Variants in KPNA6 observed in about 807,000 individuals in gnomAD.
KPNA6 encodes karyopherin subunit alpha 6.
KPNA6 carries 9 observed loss-of-function variants against 72.0 expected under a neutral mutation model. That is an observed-to-expected ratio of 0.13 (90% CI 0.08 to 0.22). The LOEUF (loss-of-function observed/expected upper bound fraction) is 0.22. KPNA6 is among the 10% of genes least tolerant of loss of function. The pLI is 1.00. For synonymous variants in KPNA6, 219 were observed against 242.1 expected (o/e 0.90, Z 0.89); for missense variants, 374 against 655.7 (o/e 0.57, Z 4.69).
At chr1:32,138,543 C>CAAAAA (rs563911504) in intron 1 of KPNA6, among the ~76,000 whole-genome samples, 3 of 48,904 alleles carry the variant, frequency 6.1e-5, no homozygotes, top group African/African-American at 6.0e-5. Flanking sequence ...AACTCCATCT[C>CAAAAA]AAAAAAAAAA....
chr1:32,132,198 T>C (rs887253376), intron 1 of KPNA6, among the ~76,000 whole-genome samples: 5 of 152,166 alleles, frequency 3.3e-5, no homozygotes, highest in Admixed American at 6.5e-5. Context: ...CTTGAACTCC[T>C]GACCTCAGGT....
At chr1:32,127,561 A>AT (rs1641556420) in intron 1 of KPNA6, among the ~76,000 whole-genome samples, 1 of 152,198 alleles carries the variant, frequency 6.6e-6, no homozygotes, top group African/African-American at 2.4e-5. Flanking sequence ...AATCAGAGGG[A>AT]TTTTTATAAT....
chr1:32,144,305 G>A (rs1570036772), intron 1 of KPNA6, among the ~76,000 whole-genome samples: 1 of 152,142 alleles, frequency 6.6e-6, no homozygotes, highest in Non-Finnish European at 1.5e-5. Flanking sequence ...TAGATGGTTA[G>A]CGCGATATTT....
chr1:32,155,110 C>CAAAAAAAAAAAAAAAAAAAAAAAAAAA (rs144040035), intron 2 of KPNA6, among the ~76,000 whole-genome samples: 1 of 54,228 alleles, frequency 1.8e-5, no homozygotes, highest in Non-Finnish European at 3.3e-5. Context: ...AACTCCATCT[C>CAAAAAAAAAAAAAAAAAAAAAAAAAAA]AAAAAAAAAA....
chr1:32,149,926 C>CT (rs1557475300), intron 1 of KPNA6, among the ~76,000 whole-genome samples: 1 of 151,900 alleles, frequency 6.6e-6, no homozygotes, highest in East Asian at 1.9e-4. Flanking sequence ...TGTTTTCTGA[C>CT]TTACGGTTTC....
Position 32,157,363 on chromosome 1 carries a change from A to G in KPNA6, c.249A>G (p.Arg83=). 1 of 1,613,890 alleles carries G rather than the reference A, an allele frequency of 6.2e-7. No individual in the cohort carries two copies. The highest frequency in any genetic ancestry group is 1.7e-5 in the Admixed American group (1 of 59,994). ...SSTTGESVIT[R]EMVEMLFSDD... ...TGTTCTAGGAGAGTGTGATCACAAG[A>G]GAGATGGTGGAGATGCTCTTTTCTG... Residue 83 remains arginine (R), a synonymous_variant, in exon 4 of 14, where the codon AGA becomes AGG. Coordinates refer to ENST00000373625, the MANE Select transcript of KPNA6 (RefSeq NM_012316.5).
At chr1:32,136,053 A>G (rs1231448704) in intron 1 of KPNA6, among the ~76,000 whole-genome samples, 1 of 152,180 alleles carries the variant, frequency 6.6e-6, no homozygotes, top group Non-Finnish European at 1.5e-5. Flanking sequence ...CAGAGGCTCC[A>G]AACTAGTAGT....
intron 1 of KPNA6, among the ~76,000 whole-genome samples, chr1:32,110,056 ATTTTTTTTTT>A (rs750004100): frequency 5.9e-5 from 7 of 118,314 alleles, no homozygotes; most frequent in Admixed American, 1.8e-4. Context: ...CTGGAATTGA[ATTTTTTTTTT>A]TTTTTTTTTT....
rs929663502 is a variant in KPNA6, at chr1:32,143,115, T to C, written c.5-11473T>C. The C allele has an allele frequency of 3.0e-5, 20 of 671,064 alleles. No homozygotes were observed. In the African/African-American group the frequency reaches 3.2e-4, roughly 11 times the overall value. The allele number at this position is 671,064 out of a possible 1,614,324, so 41.6% of individuals were successfully genotyped here. On this transcript the variant is annotated intron_variant, in intron 1 of 13. Coordinates refer to ENST00000373625, the MANE Select transcript of KPNA6 (RefSeq NM_012316.5). Reference sequence around the variant, plus strand: ...AGGGATAATCGGGCCTCAAAAGGAGTGCAGAGGTGCAGACACAGCTCACTT... The same window carrying C: ...AGGGATAATCGGGCCTCAAAAGGAGCGCAGAGGTGCAGACACAGCTCACTT...
At chr1:32,162,339 T>C (rs770028184) in intron 8 of KPNA6, 22 bp from the exon 9 acceptor site, 15 of 1,558,590 alleles carry the variant, frequency 9.6e-6, no homozygotes, top group African/African-American at 1.4e-5. Context: ...CCTGTGAGTC[T>C]TTCTCACTCT....
chr1:32,173,795 T>G lies in KPNA6; in HGVS notation c.*2901T>G, dbSNP rs1214822128. On this transcript the variant is annotated 3_prime_UTR_variant, in exon 14 of 14. Transcript: ENST00000373625. ...ATGGAGCCCCTCTACCCCAGTCTGCTGTAGGGAATACCCTAATTAGTTGAG... is the reference window on the plus strand; with the variant it reads ...ATGGAGCCCCTCTACCCCAGTCTGCGGTAGGGAATACCCTAATTAGTTGAG... 1 of 152,300 alleles carries G rather than the reference T, an allele frequency of 6.6e-6. No homozygotes were observed. The highest frequency in any genetic ancestry group is 1.5e-5 in the Non-Finnish European group (1 of 68,090). 9.4% of individuals were successfully genotyped at this position (152,300 alleles called of 1,614,324 possible).
intron 4 of KPNA6, 50 bp from the exon 5 acceptor site, chr1:32,158,217 A>C: frequency 3.2e-6 from 4 of 1,246,172 alleles, no homozygotes; most frequent in Non-Finnish European, 4.7e-6. Flanking sequence ...CCATGAAGGG[A>C]TCAGCAAAAG....
At chr1:32,161,104 G>A (rs1216382596) in intron 7 of KPNA6, among the ~76,000 whole-genome samples, 1 of 151,996 alleles carries the variant, frequency 6.6e-6, no homozygotes, top group African/African-American at 2.4e-5. Flanking sequence ...GCTACAGTGA[G>A]CTGTGATTGA....
chr1:32,115,848 A>AT (rs1402034063), intron 1 of KPNA6, among the ~76,000 whole-genome samples: 1 of 152,066 alleles, frequency 6.6e-6, no homozygotes, highest in Non-Finnish European at 1.5e-5. Flanking sequence ...GATTCAAGCG[A>AT]TTCTCCTGCC....
rs114462508 is a variant in KPNA6, at chr1:32,150,034, G to T, written c.5-4554G>T. Among the ~76,000 whole-genome samples, 1,432 of 151,142 alleles carry T rather than the reference G, an allele frequency of 9.5e-3. 17 individuals carry two copies. Among genetic ancestry groups the T allele is most frequent in the African/African-American group, 0.032 (1,317 of 41,150 alleles). On this transcript the variant is annotated intron_variant, in intron 1 of 13. Transcript: ENST00000373625. Reference sequence around the variant, plus strand: ...ATCGCTGCTTTTCAAGATTTTGGTTGTGATGTGTCTTGTGATTTTCTTTGT... The same window carrying T: ...ATCGCTGCTTTTCAAGATTTTGGTTTTGATGTGTCTTGTGATTTTCTTTGT...
At chr1:32,161,793 A>T (rs941786743) in intron 7 of KPNA6, among the ~76,000 whole-genome samples, 154 bp from the exon 8 acceptor site, 22 of 152,166 alleles carry the variant, frequency 1.4e-4, no homozygotes, top group African/African-American at 5.3e-4. Context: ...CTGGCCTCCT[A>T]ACCTATACCA....
intron 1 of KPNA6, among the ~76,000 whole-genome samples, chr1:32,109,300 G>A (rs943261691): frequency 7.2e-5 from 11 of 151,928 alleles, no homozygotes; most frequent in Non-Finnish European, 1.6e-4. Context: ...CTCCCGAGTA[G>A]CTGGGATTAC....
In KPNA6 at chr1:32,123,208, GA is replaced by G. The variant is rs529324909; in HGVS notation, c.4+15079del. 9.7e-4 allele frequency among the ~76,000 whole-genome samples: 147 copies of G among 152,216 alleles called. 1 individual carries two copies. Among genetic ancestry groups the G allele is most frequent in the African/African-American group, 3.4e-3 (143 of 41,548 alleles). ...AAGATTATTCCCATGTTTCTGGGTT[GA>G]AAAACTTTGAAGGTATTGGTACAGA... On this transcript the variant is annotated intron_variant, in intron 1 of 13. Coordinates refer to ENST00000373625, the MANE Select transcript of KPNA6 (RefSeq NM_012316.5).
At chr1:32,111,864 A>G (rs1257277772) in intron 1 of KPNA6, among the ~76,000 whole-genome samples, 1 of 152,152 alleles carries the variant, frequency 6.6e-6, no homozygotes, top group Non-Finnish European at 1.5e-5. Context: ...TGATATTTGT[A>G]GCTCTGGAGA....
Sources: gnomAD v4.1 joint callset for allele counts (sites outside exome capture counted in the v4.1 genomes callset) on GRCh38, gnomAD v4.1.1 for gene constraint, MANE v1.5 for transcripts, NCBI Gene and HGNC (gene_info 2026-07-23, HGNC 2026-07-21) for gene names.